The following SYNDIG1L variants were observed in gnomAD, a reference collection of about 807,000 sequenced individuals.
The protein encoded by SYNDIG1L is synapse differentiation inducing 1 like, also known as synapse differentiation-inducing gene protein 1-like.
Under a neutral mutation model 20.1 loss-of-function variants are expected in SYNDIG1L, and 13 were observed. The ratio of observed to expected loss-of-function variants is 0.65; its 90% confidence interval spans 0.42 to 1.03. SYNDIG1L has a LOEUF of 1.03. Ranked by LOEUF, SYNDIG1L falls within the 50% of genes least tolerant of loss-of-function variation. The pLI, the probability that SYNDIG1L is intolerant of heterozygous loss-of-function variation, is 0.00. For synonymous variants in SYNDIG1L, 128 were observed against 129.3 expected, an observed-to-expected ratio of 0.99 and a Z score of 0.07; for missense variants, 294 against 305.1, an observed-to-expected ratio of 0.96 and a Z score of 0.27.
At chr14:74,477,035 T>C in the SYNDIG1L span, among the ~76,000 whole-genome samples, 4 of 114,134 alleles carry the variant, frequency 3.5e-5, no homozygotes, top group African/African-American at 7.3e-5. Flanking sequence ...CCAGCCCCAT[T>C]CCCAACACAC....
chr14:74,411,058 C>T (rs561294386), intron 1 of SYNDIG1L, among the ~76,000 whole-genome samples: 1 of 152,162 alleles, frequency 6.6e-6, no homozygotes, highest in Admixed American at 6.5e-5. Flanking sequence ...AGGCCAGGGG[C>T]AGGCTAGGGG....
the SYNDIG1L span, among the ~76,000 whole-genome samples, chr14:74,433,692 T>A: frequency 6.6e-6 from 1 of 152,176 alleles, no homozygotes; most frequent in Non-Finnish European, 1.5e-5. Context: ...GCAATCTGAT[T>A]TAATTCTAAC....
At chr14:74,412,952 AG>A (rs1469015443) in intron 1 of SYNDIG1L, among the ~76,000 whole-genome samples, 1 of 152,014 alleles carries the variant, frequency 6.6e-6, no homozygotes, top group African/African-American at 2.4e-5. Context: ...TTGGGGTGGG[AG>A]TGGGCAGCCC....
the SYNDIG1L span, among the ~76,000 whole-genome samples, chr14:74,453,091 A>T: frequency 6.6e-6 from 1 of 152,176 alleles, no homozygotes; most frequent in South Asian, 2.1e-4. Context: ...TCACACCTGT[A>T]ATCCCAGCCC....
intron 1 of SYNDIG1L, among the ~76,000 whole-genome samples, chr14:74,412,623 G>A (rs1381437885): frequency 1.3e-5 from 2 of 152,186 alleles, no homozygotes; most frequent in African/African-American, 2.4e-5. Context: ...CTAGTGAGGG[G>A]CACAGTCATC....
the SYNDIG1L span, chr14:74,476,342 C>G: frequency 1.5e-6 from 1 of 673,774 alleles, no homozygotes; most frequent in Non-Finnish European, 2.7e-6. Context: ...TCCTTCTTGG[C>G]CTTACCCACT....
At chr14:74,460,274 A>T in the SYNDIG1L span, among the ~76,000 whole-genome samples, 8 of 151,858 alleles carry the variant, frequency 5.3e-5, no homozygotes, top group African/African-American at 1.9e-4. Context: ...GCTGCCGTGG[A>T]TCCGTCTTGT....
At chr14:74,434,658 TGA>T in the SYNDIG1L span, among the ~76,000 whole-genome samples, 44 of 150,012 alleles carry the variant, frequency 2.9e-4, no homozygotes, top group Non-Finnish European at 4.6e-4. Flanking sequence ...AGGGCAGATA[TGA>T]GAGAGAGAGA....
the SYNDIG1L span, among the ~76,000 whole-genome samples, chr14:74,451,802 C>T: frequency 1.3e-5 from 2 of 151,714 alleles, no homozygotes; most frequent in Admixed American, 6.6e-5. Flanking sequence ...CCAGCCTGGC[C>T]AACATAGCAA....
At chr14:74,453,861 G>A in the SYNDIG1L span, among the ~76,000 whole-genome samples, 1 of 152,176 alleles carries the variant, frequency 6.6e-6, no homozygotes, top group Non-Finnish European at 1.5e-5. Context: ...AGCTACTTGG[G>A]AGGCTGAGGA....
At chr14:74,463,779 A>G in the SYNDIG1L span, among the ~76,000 whole-genome samples, 1 of 152,248 alleles carries the variant, frequency 6.6e-6, no homozygotes, top group Non-Finnish European at 1.5e-5. Flanking sequence ...GTTAAGTTTT[A>G]GTCATGACAG....
At chr14:74,444,213 C>T in the SYNDIG1L span, among the ~76,000 whole-genome samples, 1 of 151,914 alleles carries the variant, frequency 6.6e-6, no homozygotes, top group African/African-American at 2.4e-5. Flanking sequence ...GCACCTGCCA[C>T]CACACCTGGC....
At chr14:74,408,085 T>A in intron 2 of SYNDIG1L, 96 bp from the exon 3 acceptor site, 1 of 1,420,680 alleles carries the variant, frequency 7.0e-7, no homozygotes, top group Non-Finnish European at 9.4e-7. Context: ...CAGTGGCCAG[T>A]GACATGGAGC....
the SYNDIG1L span, among the ~76,000 whole-genome samples, chr14:74,435,082 CAAAAAAAAAAA>C: frequency 1.5e-4 from 8 of 54,986 alleles, no homozygotes; most frequent in African/African-American, 2.1e-4. Flanking sequence ...GACTCCGTCT[CAAAAAAAAAAA>C]AAAAAAAAAA....
chr14:74,409,594 C>T lies in SYNDIG1L; in HGVS notation c.151G>A (p.Ala51Thr), dbSNP rs753569434. Residue 51 changes from alanine (A) to threonine (T), a missense_variant, in exon 2 of 4, where the codon GCC becomes ACC. Coordinates refer to ENST00000331628, the MANE Select transcript of SYNDIG1L (RefSeq NM_001105579.2). Reference protein sequence around the residue: ...YLLGGAGPAGAHQLLDPGSLQ... With the variant: ...YLLGGAGPAGTHQLLDPGSLQ... ...GACCCTGGGTCCAGGAGCTGGTGGGCTCCGGCAGGCCCAGCGCCACCTAGG... is the reference window on the plus strand; with the variant it reads ...GACCCTGGGTCCAGGAGCTGGTGGGTTCCGGCAGGCCCAGCGCCACCTAGG... The T allele has an allele frequency of 2.7e-6, 4 of 1,507,476 alleles. No individual in the cohort carries two copies. The highest frequency in any genetic ancestry group is 1.8e-4 in the Middle Eastern group (1 of 5,580). 93.4% of individuals were successfully genotyped at this position (1,507,476 alleles called of 1,614,324 possible).
At position 74,422,626 on chromosome 14, in the gene SYNDIG1L, T is replaced by G. The variant is rs1251042545; in HGVS notation, c.-58+3286A>C. Among the ~76,000 whole-genome samples the G allele has an allele frequency of 2.0e-5, 3 of 150,146 alleles. No individual in the cohort carries two copies. The Admixed American group carries it at 2.0e-4, about 10-fold the overall frequency. On this transcript the variant is annotated intron_variant, in intron 1 of 3. Coordinates refer to ENST00000331628, the MANE Select transcript of SYNDIG1L (RefSeq NM_001105579.2). ...ACGCAGGGGAAGGGACCTGCATGTG[T>G]GTATTTCAACATTTTAATCTCTCTC...
chr14:74,460,808 C>T, the SYNDIG1L span, among the ~76,000 whole-genome samples: 13 of 152,236 alleles, frequency 8.5e-5, no homozygotes, highest in South Asian at 2.3e-3. Flanking sequence ...CCAACAATGC[C>T]GGGCTAATTT....
At chr14:74,478,174 T>C in the SYNDIG1L span, among the ~76,000 whole-genome samples, 1 of 152,230 alleles carries the variant, frequency 6.6e-6, no homozygotes, top group South Asian at 2.1e-4. Context: ...TTATGGACCT[T>C]TTAATCCTAA....
the SYNDIG1L span, among the ~76,000 whole-genome samples, chr14:74,454,111 T>G: frequency 1.3e-5 from 2 of 152,232 alleles, no homozygotes; most frequent in African/African-American, 2.4e-5. Context: ...ATGGCAGAAC[T>G]GGCCCAAATT....
Sources: gnomAD v4.1 joint callset for allele counts (sites outside exome capture counted in the v4.1 genomes callset) on GRCh38, gnomAD v4.1.1 for gene constraint, MANE v1.5 for transcripts, NCBI Gene and HGNC (gene_info 2026-07-23, HGNC 2026-07-21) for gene names.